TTYH2: variants seen among roughly 807,000 people sequenced by gnomAD.
TTYH2 encodes the protein tweety family member 2, also known as protein tweety homolog 2.
Under a neutral mutation model 68.3 loss-of-function variants are expected in TTYH2, and 49 were observed. The ratio of observed to expected loss-of-function variants is 0.72; its 90% CI spans 0.57 to 0.91. The LOEUF (loss-of-function observed/expected upper bound fraction) is 0.91. TTYH2 is among the 40% of genes least tolerant of loss of function. The probability of loss-of-function intolerance (pLI) is 0.00; values close to 1 mark genes in which losing one functional copy is unlikely to be tolerated. For synonymous variants in TTYH2, 272 were observed against 300.8 expected, an observed-to-expected ratio of 0.90 and a Z score of 0.99; for missense variants, 631 against 700.4, an observed-to-expected ratio of 0.90 and a Z score of 1.12.
chr17:74,222,384 G>A lies in TTYH2; in HGVS notation c.130-101G>A. Reference sequence around the variant, plus strand: ...GAGCTTGGAAGGATGGACGAGAGATGCAGCTCAGGCAGTGGGGCACTCAGG... The same window carrying A: ...GAGCTTGGAAGGATGGACGAGAGATACAGCTCAGGCAGTGGGGCACTCAGG... On this transcript the variant is annotated intron_variant, in intron 1 of 13. Coordinates refer to ENST00000269346, the MANE Select transcript of TTYH2 (RefSeq NM_032646.6). The surrounding 1 kb of genome is among the most constrained non-coding windows in gnomAD (Gnocchi z 5.2). The A allele has an allele frequency of 4.5e-6, 6 of 1,335,190 alleles. No individual in the cohort carries two copies. Among genetic ancestry groups the A allele is most frequent in the Non-Finnish European group, 6.1e-6 (6 of 986,424 alleles). The allele number at this position is 1,335,190 out of a possible 1,614,324, so 82.7% of individuals were successfully genotyped here. A position where few individuals can be genotyped will look rare whatever the true frequency, so the allele number is the denominator to read the frequency against.
At chr17:74,252,451 C>A in intron 11 of TTYH2, 75 bp downstream of exon 11, 2 of 1,538,138 alleles carry the variant, frequency 1.3e-6, no homozygotes, top group East Asian at 2.3e-5. Context: ...GGCCTCTGCT[C>A]TACGATTTAG....
intron 3 of TTYH2, among the ~76,000 whole-genome samples, chr17:74,235,990 C>G (rs907902456): frequency 5.3e-5 from 8 of 151,916 alleles, no homozygotes; most frequent in Admixed American, 4.6e-4. Context: ...CTGCAAGGAG[C>G]AGTACCTTTA....
At position 74,253,223 on chromosome 17, in the gene TTYH2, C is replaced by A; in HGVS notation, c.1402C>A (p.Pro468Thr). 6.2e-7 allele frequency: 1 copy of A among 1,611,238 alleles called. No homozygotes were observed. Reference protein sequence around the residue: ...SGLGSQTSLQPPAQTISNAPV... With the variant: ...SGLGSQTSLQTPAQTISNAPV... ...CCTGGGAAGTCAGACCAGCCTGCAG[C>A]CCCCGGCCCAGACCATCTCCAACGC... Residue 468 changes from proline to threonine, a missense_variant, in exon 12 of 14, where the codon CCC becomes ACC. Transcript: ENST00000269346.
intron 13 of TTYH2, among the ~76,000 whole-genome samples, chr17:74,259,460 C>T (rs1473917416): frequency 1.3e-5 from 2 of 152,132 alleles, no homozygotes; most frequent in Non-Finnish European, 2.9e-5. Context: ...AACGATCCTC[C>T]TGCCTCTGTC....
At chr17:74,242,037 C>G (rs1250084727) in intron 4 of TTYH2, among the ~76,000 whole-genome samples, 2 of 152,224 alleles carry the variant, frequency 1.3e-5, no homozygotes, top group Non-Finnish European at 2.9e-5. Context: ...CTTGCCCCAT[C>G]AACCTTTATA....
At position 74,241,163 on chromosome 17, in the gene TTYH2, A is replaced by G. The variant is rs990238514; in HGVS notation, c.636-2211A>G. 1.3e-5 allele frequency among the ~76,000 whole-genome samples: 2 copies of G among 151,856 alleles called. No individual in the cohort carries two copies. The highest frequency in any genetic ancestry group is 1.9e-4 in the East Asian group (1 of 5,180). The stretch of plus-strand genomic sequence containing the variant: ...GTAGAATGGGATCCAGCTCACACCT[A>G]TGATCCCAGCACTTTGGGAGGCTGA... On this transcript the variant is annotated intron_variant, in intron 4 of 13. Coordinates refer to ENST00000269346, the MANE Select transcript of TTYH2 (RefSeq NM_032646.6). This position sits in a 1 kb window ranked among gnomAD's most constrained non-coding sequence, Gnocchi z 4.1.
intron 2 of TTYH2, among the ~76,000 whole-genome samples, chr17:74,225,475 C>A (rs1362721824): frequency 6.6e-6 from 1 of 152,184 alleles, no homozygotes; most frequent in African/African-American, 2.4e-5. Context: ...GACCCGATAA[C>A]TCAAGTTGAA....
chr17:74,256,563 C>T (rs2050695516), intron 13 of TTYH2, among the ~76,000 whole-genome samples: 1 of 152,216 alleles, frequency 6.6e-6, no homozygotes, highest in African/African-American at 2.4e-5. Context: ...TTTACAAACA[C>T]AAGCCCCAGC....
chr17:74,227,124 G>A (rs1225449716), intron 2 of TTYH2, among the ~76,000 whole-genome samples: 2 of 152,086 alleles, frequency 1.3e-5, no homozygotes, highest in East Asian at 1.9e-4. Flanking sequence ...ACAGGCACTC[G>A]CCACCATGCC....
At chr17:74,254,949 C>G (rs2050678085) in intron 13 of TTYH2, among the ~76,000 whole-genome samples, 1 of 152,202 alleles carries the variant, frequency 6.6e-6, no homozygotes. Context: ...GGACTGTGCC[C>G]AAGTAGGGCC....
At chr17:74,254,138 T>C (rs1441537963) in intron 13 of TTYH2, among the ~76,000 whole-genome samples, 1 of 152,090 alleles carries the variant, frequency 6.6e-6, no homozygotes, top group Non-Finnish European at 1.5e-5. Flanking sequence ...ACTTGCTAAT[T>C]GGGGTGGCCA....
At chr17:74,224,599 A>G (rs1181443909) in intron 2 of TTYH2, among the ~76,000 whole-genome samples, 1 of 152,236 alleles carries the variant, frequency 6.6e-6, no homozygotes, top group African/African-American at 2.4e-5. Flanking sequence ...CGTGACTTGT[A>G]CCAGGCAAGA....
At chr17:74,231,041 C>A (rs1278566237) in intron 3 of TTYH2, 42 bp downstream of exon 3, 2 of 1,588,586 alleles carry the variant, frequency 1.3e-6, no homozygotes, top group African/African-American at 1.3e-5. Context: ...GCACAGCCCA[C>A]AAGGTCAGCG....
intron 10 of TTYH2, chr17:74,251,932 G>T: frequency 2.8e-6 from 1 of 361,980 alleles, no homozygotes; most frequent in Non-Finnish European, 5.2e-6. Flanking sequence ...CCTGGCCTCA[G>T]CTTCAGTGCC....
At chr17:74,229,561 C>T (rs2050366449) in intron 2 of TTYH2, among the ~76,000 whole-genome samples, 1 of 152,122 alleles carries the variant, frequency 6.6e-6, no homozygotes, top group Non-Finnish European at 1.5e-5. Context: ...CAAAAACCTG[C>T]TCTCCATAGA....
At position 74,227,746 on chromosome 17, in the gene TTYH2, CTTGTTTTTTTTT is replaced by C. The variant is rs1458721305; in HGVS notation, c.303-3128_303-3117del. ...AGAGATACGTAAAGCATGCAGGAACCTTGTTTTTTTTTTTGTTTTTTTTTTAATGTCTCCTGC... is the reference window on the plus strand; with the variant it reads ...AGAGATACGTAAAGCATGCAGGAACCTTGTTTTTTTTTTAATGTCTCCTGC... On this transcript the variant is annotated intron_variant, in intron 2 of 13. Transcript: ENST00000269346. Among the ~76,000 whole-genome samples, 16 of 138,072 alleles carry C rather than the reference CTTGTTTTTTTTT, an allele frequency of 1.2e-4. No homozygotes were observed. The South Asian group carries it at 3.0e-3, about 26-fold the overall frequency. 90.6% of individuals were successfully genotyped at this position (138,072 alleles called of 152,430 possible).
At chr17:74,218,609 C>T (rs1263194881) in intron 1 of TTYH2, among the ~76,000 whole-genome samples, 2 of 151,988 alleles carry the variant, frequency 1.3e-5, no homozygotes, top group African/African-American at 4.8e-5. Context: ...TTATCAGAAA[C>T]CTAATTGAGG....
chr17:74,245,124 A>T (rs1171115181), intron 6 of TTYH2, among the ~76,000 whole-genome samples: 1 of 152,188 alleles, frequency 6.6e-6, no homozygotes, highest in Non-Finnish European at 1.5e-5. Context: ...GGGCGTGGAC[A>T]CAATGCCCTC....
intron 3 of TTYH2, among the ~76,000 whole-genome samples, chr17:74,235,944 G>A (rs1218683032): frequency 6.6e-6 from 1 of 151,952 alleles, no homozygotes; most frequent in Admixed American, 6.6e-5. Flanking sequence ...GGATGAACGG[G>A]CTACTCTGGC....
Sources: gnomAD v4.1 joint callset for allele counts (sites outside exome capture counted in the v4.1 genomes callset) on GRCh38, gnomAD v4.1.1 for gene constraint, Gnocchi (gnomAD v3.1) non-coding constraint, MANE v1.5 for transcripts, NCBI Gene and HGNC (gene_info 2026-07-23, HGNC 2026-07-21) for gene names.